The following SFPQ variants were observed in gnomAD, a reference collection of about 807,000 sequenced individuals.
The protein encoded by SFPQ is splicing factor proline and glutamine rich.
SFPQ carries 11 observed loss-of-function variants against 72.9 expected under a neutral mutation model. That is an observed-to-expected ratio of 0.15 (90% CI 0.09 to 0.25). The LOEUF (loss-of-function observed/expected upper bound fraction) is 0.25. SFPQ is among the 10% of genes least tolerant of loss of function. SFPQ has a pLI of 1.00. For synonymous variants in SFPQ, 506 were observed against 367.3 expected (o/e 1.38, Z -4.32); for missense variants, 847 against 993.3 (o/e 0.85, Z 1.98).
At position 35,183,420 on chromosome 1, in the gene SFPQ, T is replaced by C. The variant is rs527598152; in HGVS notation, c.*1036A>G. ...TTTTAGTAGAGACGGGGTTTCACCATGTTGGCCAGGCTGGTCTTGAACTCC... is the reference window on the plus strand; with the variant it reads ...TTTTAGTAGAGACGGGGTTTCACCACGTTGGCCAGGCTGGTCTTGAACTCC... On this transcript the variant is annotated 3_prime_UTR_variant, in exon 10 of 10. Transcript: ENST00000357214. The C allele has an allele frequency of 8.3e-6, 3 of 361,356 alleles. No homozygotes were observed. Among genetic ancestry groups the C allele is most frequent in the Non-Finnish European group, 1.2e-5 (3 of 253,832 alleles). 22.4% of individuals were successfully genotyped at this position (361,356 alleles called of 1,614,324 possible). A position where few individuals can be genotyped will look rare whatever the true frequency, so the allele number is the denominator to read the frequency against.
Position 35,189,072 on chromosome 1 carries a change from T to C in SFPQ, c.1628A>G (p.Gln543Arg). 6.2e-7 allele frequency: 1 copy of C among 1,613,370 alleles called. No homozygotes were observed. The highest frequency in any genetic ancestry group is 1.3e-5 in the African/African-American group (1 of 75,064). ...NLLRQDLMRR[Q>R]EELRRMEELH... ...TTCTTCCATGCGTCTTAATTCTTCCTGTCGTCTCATCAGATCTGAACATTG... is the reference window on the plus strand; with the variant it reads ...TTCTTCCATGCGTCTTAATTCTTCCCGTCGTCTCATCAGATCTGAACATTG... The change falls in exon 6 of 10, where the codon CAG becomes CGG. Residue 543 changes from glutamine to arginine, a missense_variant. By Grantham distance (43) the Gln-to-Arg change is conservative. Transcript: ENST00000357214.
Position 35,192,877 on chromosome 1 carries a change from G to T in SFPQ, c.173C>A (p.Pro58His). Residue 58 changes from proline (P) to histidine (H), a missense_variant, in exon 1 of 10, where the codon CCT becomes CAT. Coordinates refer to ENST00000357214, the MANE Select transcript of SFPQ (RefSeq NM_005066.3). ...GTGTGGAGGCGGTGGCGGGATCGGA[G>T]GCTTAGGGCCGCTCTGGCCCGGGCC... ...GPGPGQSGPKPPIPPPPPHQQ... is the reference protein window; with the variant it reads ...GPGPGQSGPKHPIPPPPPHQQ... 1 of 1,537,292 alleles carries T rather than the reference G, an allele frequency of 6.5e-7. No homozygotes were observed. The highest frequency in any genetic ancestry group is 8.7e-7 in the Non-Finnish European group (1 of 1,150,984).
intron 7 of SFPQ, among the ~76,000 whole-genome samples, chr1:35,187,457 G>T (rs535216630): frequency 4.1e-4 from 62 of 152,330 alleles, no homozygotes; most frequent in Non-Finnish European, 6.9e-4. Context: ...AAGGCCGGGA[G>T]CAGTGGCTCA....
chr1:35,190,393 C>T (rs745966425), intron 4 of SFPQ, 105 bp downstream of exon 4: 14 of 726,998 alleles, frequency 1.9e-5, no homozygotes, highest in Non-Finnish European at 3.3e-5. Flanking sequence ...AGCATATCCA[C>T]ATCAAATAAT....
At chr1:35,177,620 G>C (rs1315340485) in intron 4 of SFPQ, 1 of 153,678 alleles carries the variant, frequency 6.5e-6, no homozygotes, top group Non-Finnish European at 1.4e-5. Flanking sequence ...TAGGTGTAAA[G>C]CCACCATGCC....
At chr1:35,189,789 A>C (rs147105452) in intron 4 of SFPQ, among the ~76,000 whole-genome samples, 1 of 152,188 alleles carries the variant, frequency 6.6e-6, no homozygotes, top group Non-Finnish European at 1.5e-5. Context: ...TCTCCACTAA[A>C]TATACAAAAA....
At chr1:35,178,855 CTATCT>C (rs541205139), downstream of SFPQ, 51 of 1,049,408 alleles carry the variant, frequency 4.9e-5, 1 homozygote, top group Admixed American at 2.8e-4. Flanking sequence ...CCACATTGTC[CTATCT>C]TAAGTCCAAG....
chr1:35,189,779 T>A (rs1298887341), intron 4 of SFPQ, among the ~76,000 whole-genome samples: 2 of 151,854 alleles, frequency 1.3e-5, no homozygotes, highest in Non-Finnish European at 2.9e-5. Flanking sequence ...TGAAACCCCG[T>A]CTCCACTAAA....
downstream of SFPQ, chr1:35,178,995 C>T: frequency 9.5e-7 from 1 of 1,056,620 alleles, no homozygotes; most frequent in Non-Finnish European, 1.1e-6. Context: ...TTAAAAATTG[C>T]CAATCATTAT....
At chr1:35,176,588 G>C (rs549978514) in intron 5 of SFPQ, 21 of 152,160 alleles carry the variant, frequency 1.4e-4, no homozygotes, top group African/African-American at 5.1e-4. Flanking sequence ...CTTATTAATC[G>C]GCCTGGCGCA....
downstream of SFPQ, chr1:35,179,870 G>T (rs191034327): frequency 1.9e-4 from 200 of 1,054,074 alleles, no homozygotes; most frequent in Middle Eastern, 4.3e-4. Context: ...CCGATTTAAT[G>T]GATTACGACA....
rs1639539567 is a variant in SFPQ at position 35,183,121 on chromosome 1, AT to A, written c.*1334del. ...CTAGCTCTTAGAAGAGAACCAATAG[AT>A]TTTTATAGTCCTATAGATTTTGCCC... On this transcript the variant is annotated 3_prime_UTR_variant, in exon 10 of 10. Coordinates refer to ENST00000357214, the MANE Select transcript of SFPQ (RefSeq NM_005066.3). 9.7e-7 allele frequency: 1 copy of A among 1,028,866 alleles called. No individual in the cohort carries two copies. Among genetic ancestry groups the A allele is most frequent in the African/African-American group, 1.7e-5 (1 of 58,980 alleles). 63.7% of individuals were successfully genotyped at this position (1,028,866 alleles called of 1,614,324 possible). A position where few individuals can be genotyped will look rare whatever the true frequency, so the allele number is the denominator to read the frequency against.
downstream of SFPQ, chr1:35,181,811 T>C (rs1481132757): frequency 7.1e-6 from 7 of 984,802 alleles, no homozygotes; most frequent in East Asian, 2.3e-4. Flanking sequence ...TAAATTCACA[T>C]TAGGCTAAAA....
chr1:35,182,475 C>CA, downstream of SFPQ: 2 of 976,880 alleles, frequency 2.0e-6, no homozygotes, highest in Non-Finnish European at 2.4e-6. Context: ...ATGTACCTGT[C>CA]AGTCATACAA....
chr1:35,184,336 G>A lies in SFPQ; in HGVS notation c.*120C>T. 56 of 1,517,900 alleles carry A rather than the reference G, an allele frequency of 3.7e-5. No homozygotes were observed. The highest frequency in any genetic ancestry group is 4.9e-5 in the Non-Finnish European group (56 of 1,141,668). 94.0% of individuals were successfully genotyped at this position (1,517,900 alleles called of 1,614,324 possible). On this transcript the variant is annotated 3_prime_UTR_variant, in exon 10 of 10. Coordinates refer to ENST00000357214, the MANE Select transcript of SFPQ (RefSeq NM_005066.3). ...CCAAACAGACCATTTACAAATATTA[G>A]GTCAATAAACTGCTAACATCCATAA...
chr1:35,191,660 ATGTGAGATTTCTAACATGAGCACTAT>A (rs1640003311), intron 1 of SFPQ, 131 bp from the exon 2 acceptor site: 1 of 666,018 alleles, frequency 1.5e-6, no homozygotes, highest in African/African-American at 1.8e-5. Flanking sequence ...AGGTTTTACT[ATGTGAGATTTCTAACATGAGCACTAT>A]CTTAACATTG....
intron 1 of SFPQ, 139 bp downstream of exon 1, chr1:35,192,083 G>A (rs977622118): frequency 1.7e-6 from 1 of 602,436 alleles, no homozygotes; most frequent in Non-Finnish European, 2.4e-6. Context: ...GGCCCCGCAG[G>A]CCGCCCCGCC....
At chr1:35,191,195 G>T in intron 2 of SFPQ, 146 bp downstream of exon 2, 1 of 822,502 alleles carries the variant, frequency 1.2e-6, no homozygotes, top group Admixed American at 2.8e-5. Context: ...GCATTATACC[G>T]CAAGCATTTT....
downstream of SFPQ, chr1:35,181,844 C>T: frequency 1.0e-6 from 1 of 984,996 alleles, no homozygotes; most frequent in Non-Finnish European, 1.2e-6. Flanking sequence ...ACATTGAAGA[C>T]TTATTGAAAG....
Sources: gnomAD v4.1 joint callset for allele counts (sites outside exome capture counted in the v4.1 genomes callset) on GRCh38, gnomAD v4.1.1 for gene constraint, MANE v1.5 for transcripts, NCBI Gene and HGNC (gene_info 2026-07-23, HGNC 2026-07-21) for gene names.